The following QDPR variants were observed in gnomAD, a reference collection of about 807,000 sequenced individuals.
The protein encoded by QDPR is dihydropteridine reductase.
In QDPR, 23 loss-of-function variants were observed where a neutral mutation model predicts 31.7. That is an observed-to-expected ratio of 0.73 (90% CI 0.52 to 1.03). The LOEUF (loss-of-function observed/expected upper bound fraction) is 1.03, where lower values mean the gene tolerates loss of function less well. Among genes scored for constraint, QDPR ranks in the 50% least tolerant of loss-of-function variants. QDPR has a pLI of 0.00. For missense variants in QDPR, 324 were observed against 323.8 expected (o/e 1.00, Z 0.00); for synonymous variants, 124 against 124.7 (o/e 0.99, Z 0.03).
Position 17,509,335 on chromosome 4 carries a change from T to G in QDPR, c.134A>C (p.Asn45Thr). 1 of 1,614,012 alleles carries G rather than the reference T, an allele frequency of 6.2e-7. No homozygotes were observed. Among genetic ancestry groups the G allele is most frequent in the South Asian group, 1.1e-5 (1 of 91,080 alleles). The change falls in exon 2 of 7, where the codon AAT becomes ACT. Residue 45 changes from asparagine (N) to threonine (T), a missense_variant. By Grantham distance (65) the Asn-to-Thr change is moderately conservative. Coordinates refer to ENST00000281243, the MANE Select transcript of QDPR (RefSeq NM_000320.3). ...AATGATGCTAGCGCTGGCCTCTTCA[T>G]TCTCCACCACATCAACGCTGGCAAC... Reference protein sequence around the residue: ...WWVASVDVVENEEASASIIVK... With the variant: ...WWVASVDVVETEEASASIIVK...
At chr4:17,496,640 T>G (rs2597774) in intron 4 of QDPR, among the ~76,000 whole-genome samples, 36,139 of 151,256 alleles carry the variant, frequency 0.24, 5,000 homozygotes, top group South Asian at 0.37. Flanking sequence ...TATGGTGCTT[T>G]TCTTTTTTTT....
intron 2 of QDPR, among the ~76,000 whole-genome samples, chr4:17,506,306 T>C (rs1718785971): frequency 1.3e-5 from 2 of 152,092 alleles, no homozygotes; most frequent in South Asian, 4.1e-4. Context: ...ATTTTTGTAT[T>C]TTTTTGTAGA....
rs1718135059 is a variant in QDPR, at chr4:17,490,759, A to G, written c.546-14T>C. The G allele has an allele frequency of 6.2e-7, 1 of 1,605,640 alleles. No homozygotes were observed. Among genetic ancestry groups the G allele is most frequent in the Non-Finnish European group, 8.5e-7 (1 of 1,172,806 alleles). On this transcript the variant is annotated splice_polypyrimidine_tract_variant and intron_variant, in intron 5 of 6. Transcript: ENST00000281243. Reference sequence around the variant, plus strand: ...TCCAGGGTAACCCTGCAATGGACACAGATAAGCACGTCATTCATGTCGCTC... The same window carrying G: ...TCCAGGGTAACCCTGCAATGGACACGGATAAGCACGTCATTCATGTCGCTC...
chr4:17,497,251 T>C lies in QDPR; in HGVS notation c.436+4468A>G, dbSNP rs1718393883. On this transcript the variant is annotated intron_variant, in intron 4 of 6. Coordinates refer to ENST00000281243, the MANE Select transcript of QDPR (RefSeq NM_000320.3). ...TAGTGCCATGTGAATTTTTACTACA[T>C]GCATTGGTTAGTTTTCCAATTTAAA... 6.6e-5 allele frequency among the ~76,000 whole-genome samples: 10 copies of C among 152,290 alleles called. No homozygotes were observed. The South Asian group carries it at 2.1e-3, about 32-fold the overall frequency.
At chr4:17,497,796 A>G (rs1358151431) in intron 4 of QDPR, among the ~76,000 whole-genome samples, 1 of 152,190 alleles carries the variant, frequency 6.6e-6, no homozygotes, top group Non-Finnish European at 1.5e-5. Flanking sequence ...TTTTTCGCCA[A>G]GTCTGTTGAG....
In QDPR at chr4:17,496,418, TG is replaced by T. The variant is rs770117808; in HGVS notation, c.437-4079del. Among the ~76,000 whole-genome samples the T allele has an allele frequency of 3.1e-3, 307 of 97,520 alleles. 6 individuals carry two copies. Among genetic ancestry groups the T allele is most frequent in the Non-Finnish European group, 3.4e-3 (171 of 49,584 alleles). The allele number at this position is 97,520 out of a possible 152,430, so 64.0% of individuals were successfully genotyped here. ...AAGATTGCGCCATTGCACTCCAGCC[TG>T]GGCAATAAGGGCAAAACTGTCTCAA... On this transcript the variant is annotated intron_variant, in intron 4 of 6. Transcript: ENST00000281243.
intron 2 of QDPR, among the ~76,000 whole-genome samples, chr4:17,506,995 T>C (rs778273155): frequency 6.6e-6 from 1 of 152,242 alleles, no homozygotes; most frequent in African/African-American, 2.4e-5. Flanking sequence ...ATTAACTATA[T>C]GGTAGAACTA....
intron 4 of QDPR, among the ~76,000 whole-genome samples, chr4:17,493,994 A>G (rs143580822): frequency 4.5e-4 from 68 of 152,224 alleles, no homozygotes; most frequent in African/African-American, 1.5e-3. Flanking sequence ...ACAGGCACTC[A>G]ATGAAGGTTT....
At chr4:17,492,210 C>CCA (rs1718189110) in intron 5 of QDPR, 22 bp downstream of exon 5, 5 of 1,604,726 alleles carry the variant, frequency 3.1e-6, no homozygotes, top group Non-Finnish European at 4.3e-6. Context: ...TGGGCAGCAG[C>CCA]CAGGGAACCC....
In QDPR at chr4:17,509,375, A is replaced by G. The variant is rs1425471810; in HGVS notation, c.106-12T>C. Reference sequence around the variant, plus strand: ...ACGCTGGCAACCCACTGGAAGGAGAAAACAGCTTTGGTTAAGAGGCAGTGA... The same window carrying G: ...ACGCTGGCAACCCACTGGAAGGAGAGAACAGCTTTGGTTAAGAGGCAGTGA... On this transcript the variant is annotated splice_polypyrimidine_tract_variant and intron_variant, in intron 1 of 6. Coordinates refer to ENST00000281243, the MANE Select transcript of QDPR (RefSeq NM_000320.3). 2 of 1,611,290 alleles carry G rather than the reference A, an allele frequency of 1.2e-6. No individual in the cohort carries two copies. Among genetic ancestry groups the G allele is most frequent in the East Asian group, 2.2e-5 (1 of 44,842 alleles).
chr4:17,492,397 G>T, intron 4 of QDPR, 57 bp from the exon 5 acceptor site: 1 of 1,331,890 alleles, frequency 7.5e-7, no homozygotes, highest in Non-Finnish European at 1.1e-6. Flanking sequence ...GGACAGCAAG[G>T]ACATGCAATC....
intron 4 of QDPR, among the ~76,000 whole-genome samples, chr4:17,501,190 T>C (rs1352884281): frequency 1.2e-4 from 18 of 152,168 alleles, no homozygotes; most frequent in Non-Finnish European, 1.5e-5. Context: ...CACTCTCTTT[T>C]TGTTTTCTAA....
intron 1 of QDPR, among the ~76,000 whole-genome samples, chr4:17,511,121 G>T (rs1438783275): frequency 6.6e-6 from 1 of 151,966 alleles, no homozygotes; most frequent in Non-Finnish European, 1.5e-5. Context: ...TGGTCCCAGG[G>T]GAACTCTTGC....
intron 4 of QDPR, among the ~76,000 whole-genome samples, chr4:17,494,694 C>T (rs1718290124): frequency 6.6e-6 from 1 of 152,182 alleles, no homozygotes; most frequent in East Asian, 1.9e-4. Context: ...TATTGTCATT[C>T]ATGACTCTCA....
At chr4:17,511,325 G>A (rs981479090) in intron 1 of QDPR, among the ~76,000 whole-genome samples, 4 of 152,214 alleles carry the variant, frequency 2.6e-5, no homozygotes, top group African/African-American at 9.7e-5. Context: ...AGTCTTTGCA[G>A]AGCAAAGAAG....
Position 17,490,606 on chromosome 4 carries a change from A to C in QDPR, c.629+56T>G. 4.9e-6 allele frequency: 7 copies of C among 1,415,060 alleles called. No homozygotes were observed. The South Asian group carries it at 7.0e-5, about 14-fold the overall frequency. 87.7% of individuals were successfully genotyped at this position (1,415,060 alleles called of 1,614,324 possible). ...ACAGACTTGTCCTCTGGACCACAGCAGGCAGAGAATAGGGGCTGGAAGCTG... is the reference window on the plus strand; with the variant it reads ...ACAGACTTGTCCTCTGGACCACAGCCGGCAGAGAATAGGGGCTGGAAGCTG... On this transcript the variant is annotated intron_variant, in intron 6 of 6. Transcript: ENST00000281243.
At chr4:17,506,423 A>C (rs989961074) in intron 2 of QDPR, among the ~76,000 whole-genome samples, 15 of 152,126 alleles carry the variant, frequency 9.9e-5, no homozygotes, top group Non-Finnish European at 1.5e-5. Flanking sequence ...GAGCCACTGC[A>C]CCCAGCCATT....
intron 1 of QDPR, chr4:17,509,920 C>A (rs1718945175): frequency 2.2e-6 from 1 of 455,612 alleles, no homozygotes; most frequent in Non-Finnish European, 4.4e-6. Context: ...TGTAAAGGGC[C>A]AGATCACAAT....
At chr4:17,505,615 G>A (rs1282754347) in intron 2 of QDPR, among the ~76,000 whole-genome samples, 1 of 152,198 alleles carries the variant, frequency 6.6e-6, no homozygotes, top group Non-Finnish European at 1.5e-5. Flanking sequence ...ACTTTGGGAG[G>A]CAGAGGCAGA....
Sources: gnomAD v4.1 joint callset for allele counts (sites outside exome capture counted in the v4.1 genomes callset) on GRCh38, gnomAD v4.1.1 for gene constraint, MANE v1.5 for transcripts, NCBI Gene and HGNC (gene_info 2026-07-23, HGNC 2026-07-21) for gene names.